MYO3A: variants seen among roughly 807,000 people sequenced by gnomAD.
MYO3A encodes myosin IIIA, also known as myosin-IIIa.
Under a neutral mutation model 192.7 loss-of-function variants are expected in MYO3A, and 180 were observed. The ratio of observed to expected loss-of-function variants is 0.93; its 90% CI spans 0.83 to 1.06. The LOEUF (loss-of-function observed/expected upper bound fraction) is 1.06, where lower values mean the gene tolerates loss of function less well. Ranked by LOEUF, MYO3A falls within the 50% of genes least tolerant of loss-of-function variation. MYO3A has a pLI of 0.00. For synonymous variants in MYO3A, 628 were observed against 645.3 expected (o/e 0.97, Z 0.41); for missense variants, 1,896 against 1,905.0 (o/e 1.00, Z 0.09).
At chr10:25,959,805 GT>G (rs1362259605) in intron 4 of MYO3A, among the ~76,000 whole-genome samples, 334 of 29,674 alleles carry the variant, frequency 0.011, no homozygotes, top group African/African-American at 0.036. Flanking sequence ...TAACCTGGGT[GT>G]GTGTGTGTGT....
At position 26,088,320 on chromosome 10, in the gene MYO3A, A is replaced by G. The variant is rs1234418355; in HGVS notation, c.1477A>G (p.Met493Val). Residue 493 changes from methionine to valine, a missense_variant, in exon 15 of 35, where the codon ATG becomes GTG. Coordinates refer to ENST00000642920, the MANE Select transcript of MYO3A (RefSeq NM_017433.5). ...TAGCAGATTTGGAAAATACTTAGAA[A>G]TGAAATTCACCTCTTCTGGAGCGGT... ...NSSRFGKYLE[M>V]KFTSSGAVVG... The G allele has an allele frequency of 6.2e-7, 1 of 1,613,954 alleles. No individual in the cohort carries two copies. Among genetic ancestry groups the G allele is most frequent in the South Asian group, 1.1e-5 (1 of 91,072 alleles).
At chr10:26,081,759 T>C (rs1310219818) in intron 14 of MYO3A, among the ~76,000 whole-genome samples, 1 of 152,180 alleles carries the variant, frequency 6.6e-6, no homozygotes, top group Non-Finnish European at 1.5e-5. Context: ...TACCCCTATA[T>C]TGTGCTTGGC....
Position 26,212,122 on chromosome 10 carries a change from C to T in MYO3A, c.*159C>T. 1.8e-6 allele frequency: 2 copies of T among 1,131,200 alleles called. No individual in the cohort carries two copies. Among genetic ancestry groups the T allele is most frequent in the Non-Finnish European group, 2.4e-6 (2 of 829,444 alleles). 70.1% of individuals were successfully genotyped at this position (1,131,200 alleles called of 1,614,324 possible). On this transcript the variant is annotated 3_prime_UTR_variant, in exon 35 of 35. Coordinates refer to ENST00000642920, the MANE Select transcript of MYO3A (RefSeq NM_017433.5). ...GCGCTCGGCCCTCAAGTGCCCGGGC[C>T]GGCCTTCGTGCTCCGAAACAAGAGA... is the stretch of plus-strand genomic sequence containing the variant.
chr10:26,122,519 C>G (rs1350268648), intron 18 of MYO3A, among the ~76,000 whole-genome samples: 1 of 152,182 alleles, frequency 6.6e-6, no homozygotes, highest in Non-Finnish European at 1.5e-5. Flanking sequence ...TTCTCTTTAT[C>G]ATCATTGTCA....
At chr10:25,972,568 C>T (rs553054331) in intron 4 of MYO3A, among the ~76,000 whole-genome samples, 20 of 152,200 alleles carry the variant, frequency 1.3e-4, no homozygotes, top group Non-Finnish European at 2.5e-4. Context: ...AAGAAGTCTT[C>T]GTACTAAGTT....
At chr10:26,121,349 G>T (rs1021328079) in intron 18 of MYO3A, among the ~76,000 whole-genome samples, 8 of 151,998 alleles carry the variant, frequency 5.3e-5, no homozygotes, top group East Asian at 1.9e-4. Flanking sequence ...ATCTTCAACA[G>T]CACAGCTTTT....
Position 26,004,521 on chromosome 10 carries a change from T to C in MYO3A, c.508+7263T>C, listed in dbSNP as rs564376521. Among the ~76,000 whole-genome samples the C allele has an allele frequency of 9.2e-5, 14 of 152,186 alleles. No individual in the cohort carries two copies. In the South Asian group the frequency reaches 2.7e-3, roughly 29 times the overall value. On this transcript the variant is annotated intron_variant, in intron 6 of 34. Transcript: ENST00000642920. ...GTACATATTACCTAGCTAATTCCAC[T>C]AACAGGGTATTAAGAGAGCACATCT... is the stretch of plus-strand genomic sequence containing the variant.
At position 26,100,048 on chromosome 10, in the gene MYO3A, T is replaced by C. The variant is rs922614454; in HGVS notation, c.1776+3366T>C. ...TGTGAATCCATCTGGTCCTGGACTT[T>C]TTTTGATTCGTAGGCTATTAATTAT... On this transcript the variant is annotated intron_variant, in intron 17 of 34. Transcript: ENST00000642920. Among the ~76,000 whole-genome samples the C allele has an allele frequency of 4.6e-5, 7 of 152,360 alleles. No homozygotes were observed. In the East Asian group the frequency reaches 1.2e-3, roughly 25 times the overall value.
At chr10:26,051,436 G>T (rs17666263) in intron 10 of MYO3A, among the ~76,000 whole-genome samples, 24,616 of 151,336 alleles carry the variant, frequency 0.16, 2,302 homozygotes, top group Non-Finnish European at 0.21. Context: ...AATACTAATC[G>T]TTGCTACTGG....
intron 6 of MYO3A, among the ~76,000 whole-genome samples, chr10:26,005,559 A>G (rs1184211819): frequency 6.6e-6 from 1 of 152,166 alleles, no homozygotes; most frequent in Admixed American, 6.5e-5. Flanking sequence ...TGTTTGTGGC[A>G]ATTACAAACA....
At chr10:26,107,881 T>C (rs191343771) in intron 17 of MYO3A, among the ~76,000 whole-genome samples, 1 of 152,290 alleles carries the variant, frequency 6.6e-6, no homozygotes, top group Admixed American at 6.5e-5. Context: ...TCATTGTCTG[T>C]ATTATTGGTT....
chr10:25,969,375 A>G (rs1838474044), intron 4 of MYO3A, among the ~76,000 whole-genome samples: 1 of 152,260 alleles, frequency 6.6e-6, no homozygotes, highest in South Asian at 2.1e-4. Flanking sequence ...AGCAAAAAGC[A>G]TAGTATATAT....
intron 6 of MYO3A, among the ~76,000 whole-genome samples, chr10:26,005,020 G>C (rs567323620): frequency 6.6e-6 from 1 of 152,248 alleles, no homozygotes; most frequent in Admixed American, 6.5e-5. Context: ...GTTTTGATTA[G>C]AAATAGGGTA....
intron 10 of MYO3A, among the ~76,000 whole-genome samples, chr10:26,057,959 A>G (rs1287631793): frequency 1.3e-5 from 2 of 151,384 alleles, no homozygotes; most frequent in African/African-American, 4.8e-5. Context: ...GTACTTTTTT[A>G]CAATTAGTGA....
At chr10:25,973,645 T>G (rs1379678011) in intron 4 of MYO3A, among the ~76,000 whole-genome samples, 1 of 152,160 alleles carries the variant, frequency 6.6e-6, no homozygotes, top group Non-Finnish European at 1.5e-5. Context: ...TATTTTGATA[T>G]GTGTTCCATC....
At chr10:26,065,831 C>A (rs969174051) in intron 10 of MYO3A, among the ~76,000 whole-genome samples, 1 of 112,044 alleles carries the variant, frequency 8.9e-6, no homozygotes, top group Non-Finnish European at 2.2e-5. Context: ...ACAAAAAGAG[C>A]AGTGGGCCGG....
chr10:25,986,429 G>A (rs1018207563), intron 4 of MYO3A, among the ~76,000 whole-genome samples: 6 of 152,164 alleles, frequency 3.9e-5, no homozygotes, highest in Non-Finnish European at 5.9e-5. Flanking sequence ...ACTCTTTGCT[G>A]ATGATATGAT....
intron 4 of MYO3A, among the ~76,000 whole-genome samples, chr10:25,968,344 T>A (rs1387886156): frequency 6.6e-6 from 1 of 152,106 alleles, no homozygotes; most frequent in Non-Finnish European, 1.5e-5. Flanking sequence ...AAACAGACAT[T>A]TATGTCAAAT....
intron 8 of MYO3A, 188 bp downstream of exon 8, chr10:26,021,836 A>G (rs1198102336): frequency 5.5e-6 from 4 of 720,884 alleles, no homozygotes; most frequent in African/African-American, 5.3e-5. Context: ...TCCCTGGTCT[A>G]AGTAAAAGAG....
Sources: allele counts gnomAD v4.1 joint callset (sites outside exome capture counted in the v4.1 genomes callset), GRCh38; gene constraint gnomAD v4.1.1; transcripts MANE v1.5; gene names NCBI Gene and HGNC (gene_info 2026-07-23, HGNC 2026-07-21).